The following PRKG1 variants were observed in gnomAD, a reference collection of about 807,000 sequenced individuals.
PRKG1 encodes protein kinase cGMP-dependent 1.
A neutral mutation model predicts 88.1 loss-of-function variants in PRKG1; 35 were observed. The ratio of observed to expected loss-of-function variants is 0.40; its 90% CI spans 0.30 to 0.53. The LOEUF is 0.53. Ranked by LOEUF, PRKG1 falls within the 20% of genes least tolerant of loss-of-function variation. The pLI is 0.59. For missense variants in PRKG1, 540 were observed against 839.8 expected (o/e 0.64, Z 4.41); for synonymous variants, 303 against 292.5 (o/e 1.04, Z -0.37).
At chr10:52,208,314 G>T (rs1001400695) in intron 9 of PRKG1, among the ~76,000 whole-genome samples, 1 of 152,186 alleles carries the variant, frequency 6.6e-6, no homozygotes, top group African/African-American at 2.4e-5. Flanking sequence ...TCTGTTGGTA[G>T]CTTAACCATG....
intron 2 of PRKG1, among the ~76,000 whole-genome samples, chr10:51,260,710 G>A (rs1839683530): frequency 6.6e-6 from 1 of 152,094 alleles, no homozygotes; most frequent in Non-Finnish European, 1.5e-5. Context: ...AAGACTCAGA[G>A]CAAATACCAA....
chr10:52,105,096 T>G (rs188539562), intron 7 of PRKG1, among the ~76,000 whole-genome samples: 1 of 151,748 alleles, frequency 6.6e-6, no homozygotes, highest in East Asian at 2.0e-4. Flanking sequence ...CTTTTCTCAT[T>G]CATAGTTTCT....
intron 3 of PRKG1, among the ~76,000 whole-genome samples, chr10:51,613,612 G>A (rs1453947102): frequency 6.6e-6 from 1 of 151,326 alleles, no homozygotes; most frequent in Non-Finnish European, 1.5e-5. Context: ...CTACTTTCTT[G>A]ATTCAGCATT....
At chr10:52,129,153 AACCGCTCTG>A (rs962364688) in intron 7 of PRKG1, among the ~76,000 whole-genome samples, 2 of 152,186 alleles carry the variant, frequency 1.3e-5, no homozygotes, top group African/African-American at 4.8e-5. Flanking sequence ...CCTGCTTCTA[AACCGCTCTG>A]ACGTGAAATG....
At chr10:51,253,190 T>C (rs16915897) in intron 2 of PRKG1, among the ~76,000 whole-genome samples, 26,154 of 151,740 alleles carry the variant, frequency 0.17, 4,149 homozygotes, top group African/African-American at 0.42. Context: ...GGAAACAGCA[T>C]TATATTGCTA....
At chr10:51,748,291 T>G (rs921913453) in intron 3 of PRKG1, among the ~76,000 whole-genome samples, 1 of 152,210 alleles carries the variant, frequency 6.6e-6, no homozygotes, top group African/African-American at 2.4e-5. Flanking sequence ...TCTGATTCCA[T>G]GGTCACTGGG....
At chr10:51,926,686 T>C (rs78308750) in intron 5 of PRKG1, among the ~76,000 whole-genome samples, 1 of 152,106 alleles carries the variant, frequency 6.6e-6, no homozygotes, top group African/African-American at 2.4e-5. Context: ...TCCTGCCTGC[T>C]TGTAGACATA....
chr10:51,727,703 G>T lies in PRKG1; in HGVS notation c.593-76882G>T, dbSNP rs142351508. Reference sequence around the variant, plus strand: ...AGAGTAGTTCAATAGGCTGGTAGCTGACTATAAGATTTATGTAGTCTAGCA... The same window carrying T: ...AGAGTAGTTCAATAGGCTGGTAGCTTACTATAAGATTTATGTAGTCTAGCA... On this transcript the variant is annotated intron_variant, in intron 3 of 17. Coordinates refer to ENST00000373980, the MANE Select transcript of PRKG1 (RefSeq NM_006258.4). Among the ~76,000 whole-genome samples the T allele has an allele frequency of 1.1e-4, 17 of 152,276 alleles. No homozygotes were observed. The East Asian group carries it at 3.3e-3, about 29-fold the overall frequency.
intron 3 of PRKG1, among the ~76,000 whole-genome samples, chr10:51,750,866 C>T (rs893995385): frequency 6.6e-6 from 1 of 150,780 alleles, no homozygotes; most frequent in Non-Finnish European, 1.5e-5. Flanking sequence ...AGAATATTTT[C>T]AATTGCTGCT....
chr10:51,253,253 C>T (rs978796153), intron 2 of PRKG1, among the ~76,000 whole-genome samples: 7 of 151,828 alleles, frequency 4.6e-5, no homozygotes, highest in Admixed American at 2.0e-4. Context: ...CCTAATCAGT[C>T]CACCATTTTT....
intron 4 of PRKG1, among the ~76,000 whole-genome samples, chr10:51,863,116 A>G (rs531173760): frequency 2.6e-5 from 4 of 151,804 alleles, no homozygotes; most frequent in Middle Eastern, 3.4e-3. Flanking sequence ...CTGTGCCCAT[A>G]TAAATCAGTA....
intron 7 of PRKG1, among the ~76,000 whole-genome samples, chr10:52,084,288 C>A (rs1307063919): frequency 6.6e-6 from 1 of 151,970 alleles, no homozygotes; most frequent in Non-Finnish European, 1.5e-5. Context: ...AACTAAGATG[C>A]TTTCAAGACA....
At chr10:52,212,197 C>T (rs1178546075) in intron 9 of PRKG1, among the ~76,000 whole-genome samples, 2 of 152,138 alleles carry the variant, frequency 1.3e-5, no homozygotes, top group African/African-American at 4.8e-5. Flanking sequence ...TAGTGAGGTA[C>T]AGAAACAGCT....
chr10:51,991,397 A>G (rs1357607969), intron 5 of PRKG1, among the ~76,000 whole-genome samples: 2 of 151,962 alleles, frequency 1.3e-5, no homozygotes, highest in African/African-American at 4.8e-5. Flanking sequence ...TTTTTTAAAT[A>G]TACTTTAAGT....
chr10:51,491,111 T>C (rs990647317), intron 3 of PRKG1, among the ~76,000 whole-genome samples: 6 of 152,034 alleles, frequency 3.9e-5, no homozygotes, highest in Admixed American at 1.3e-4. Flanking sequence ...AGGAAGACTT[T>C]GATATGTATA....
chr10:52,171,785 A>ATTTTTTTTTTTTTT lies in PRKG1; in HGVS notation c.1076+9822_1076+9823insTTTTTTTTTTTTTT, dbSNP rs1358641112. Among the ~76,000 whole-genome samples the ATTTTTTTTTTTTTT allele has an allele frequency of 1.1e-4, 13 of 122,666 alleles. 1 individual carries two copies. The East Asian group carries it at 2.6e-3, about 25-fold the overall frequency. The allele number at this position is 122,666 out of a possible 152,430, so 80.5% of individuals were successfully genotyped here. ...AATAGAAGTATTTTTCTTTTATCAA[A>ATTTTTTTTTTTTTT]ATTTTTTTTTTTTTTTTTTTTTTTT... On this transcript the variant is annotated intron_variant, in intron 9 of 17. Coordinates refer to ENST00000373980, the MANE Select transcript of PRKG1 (RefSeq NM_006258.4).
At chr10:51,562,943 A>ATTAATT (rs1554821907) in intron 3 of PRKG1, among the ~76,000 whole-genome samples, 2 of 113,262 alleles carry the variant, frequency 1.8e-5, no homozygotes, top group African/African-American at 6.3e-5. Flanking sequence ...TATTTTTTTT[A>ATTAATT]TTATTTTTAT....
At chr10:51,377,163 T>C (rs1266617007) in intron 2 of PRKG1, among the ~76,000 whole-genome samples, 1 of 152,208 alleles carries the variant, frequency 6.6e-6, no homozygotes, top group Admixed American at 6.5e-5. Context: ...GCTAACTGTA[T>C]GCATAACTGG....
chr10:51,362,230 G>T (rs1842497009), intron 2 of PRKG1, among the ~76,000 whole-genome samples: 1 of 151,722 alleles, frequency 6.6e-6, no homozygotes, highest in African/African-American at 2.4e-5. Context: ...GATCTCCTGG[G>T]CTCAAGGGAT....
Sources: gnomAD v4.1 joint callset for allele counts (sites outside exome capture counted in the v4.1 genomes callset) on GRCh38, gnomAD v4.1.1 for gene constraint, MANE v1.5 for transcripts, NCBI Gene and HGNC (gene_info 2026-07-23, HGNC 2026-07-21) for gene names.